Variants in DNAJB14 observed in about 807,000 individuals in gnomAD.
DNAJB14 encodes dnaJ homolog subfamily B member 14.
DNAJB14 carries 22 observed loss-of-function variants against 48.4 expected under a neutral mutation model. The observed-to-expected ratio is 0.45, with a 90% confidence interval of 0.32 to 0.65. The LOEUF (loss-of-function observed/expected upper bound fraction) is 0.65, where lower values mean the gene tolerates loss of function less well. Among genes scored for constraint, DNAJB14 ranks in the 30% least tolerant of loss-of-function variants. The probability of loss-of-function intolerance (pLI) is 0.03; values close to 1 mark genes in which losing one functional copy is unlikely to be tolerated. For synonymous variants in DNAJB14, 142 were observed against 158.7 expected (o/e 0.89, Z 0.79); for missense variants, 319 against 458.8 (o/e 0.70, Z 2.78).
At chr4:99,907,399 G>A (rs771474270) in intron 4 of DNAJB14, among the ~76,000 whole-genome samples, 9 of 152,204 alleles carry the variant, frequency 5.9e-5, no homozygotes, top group Non-Finnish European at 7.4e-5. Context: ...TGCCAGGCAT[G>A]GTGGCTCACC....
chr4:99,897,343 C>CA lies in DNAJB14; in HGVS notation c.*3684dup. The CA allele has an allele frequency of 6.6e-6, 1 of 151,474 alleles. No individual in the cohort carries two copies. Among genetic ancestry groups the CA allele is most frequent in the Non-Finnish European group, 1.5e-5 (1 of 67,742 alleles). The allele number at this position is 151,474 out of a possible 1,614,324, so 9.4% of individuals were successfully genotyped here. A position where few individuals can be genotyped will look rare whatever the true frequency, so the allele number is the denominator to read the frequency against. The stretch of plus-strand genomic sequence containing the variant: ...GAAAAAGTTACACATAGGGAATATA[C>CA]AAAAAATATGGTGCTATAATCCTTA... On this transcript the variant is annotated 3_prime_UTR_variant, in exon 8 of 8. Transcript: ENST00000442697.
At chr4:99,927,247 G>C (rs1276972716) in intron 2 of DNAJB14, 4 of 152,256 alleles carry the variant, frequency 2.6e-5, no homozygotes, top group Non-Finnish European at 4.4e-5. Flanking sequence ...TTATGTGCAT[G>C]GAAGCATAGT....
At chr4:99,944,490 G>A (rs1322378913) in intron 1 of DNAJB14, among the ~76,000 whole-genome samples, 2 of 152,094 alleles carry the variant, frequency 1.3e-5, no homozygotes, top group African/African-American at 2.4e-5. Flanking sequence ...AATGTCCATA[G>A]ACAGATGAAT....
In DNAJB14 at chr4:99,899,738, G is replaced by A. The variant is rs1330306197; in HGVS notation, c.*1290C>T. The A allele has an allele frequency of 6.6e-6, 1 of 151,746 alleles. No homozygotes were observed. Among genetic ancestry groups the A allele is most frequent in the Non-Finnish European group, 1.5e-5 (1 of 67,758 alleles). The allele number at this position is 151,746 out of a possible 1,614,324, so 9.4% of individuals were successfully genotyped here. A position where few individuals can be genotyped will look rare whatever the true frequency, so the allele number is the denominator to read the frequency against. Reference sequence around the variant, plus strand: ...TAAAATATTACAACTGCTAAACACAGAAGACTAGAAATCAAATAGTTTCAT... The same window carrying A: ...TAAAATATTACAACTGCTAAACACAAAAGACTAGAAATCAAATAGTTTCAT... On this transcript the variant is annotated 3_prime_UTR_variant, in exon 8 of 8. Coordinates refer to ENST00000442697, the MANE Select transcript of DNAJB14 (RefSeq NM_001031723.4).
chr4:99,920,756 C>G (rs1008146495), intron 3 of DNAJB14, among the ~76,000 whole-genome samples: 1 of 152,074 alleles, frequency 6.6e-6, no homozygotes, highest in Admixed American at 6.5e-5. Context: ...ATTTTTAAAG[C>G]TTTACAAAAC....
chr4:99,909,488 T>C (rs2089467932), intron 3 of DNAJB14, among the ~76,000 whole-genome samples: 1 of 152,024 alleles, frequency 6.6e-6, no homozygotes, highest in South Asian at 2.1e-4. Context: ...GTAAACTCCA[T>C]AAAGACAGGG....
At chr4:99,902,114 T>G (rs1049245575) in intron 7 of DNAJB14, among the ~76,000 whole-genome samples, 6 of 152,192 alleles carry the variant, frequency 3.9e-5, no homozygotes, top group African/African-American at 1.4e-4. Flanking sequence ...AAGAAGAAAT[T>G]TGAGACTTAG....
At position 99,900,021 on chromosome 4, in the gene DNAJB14, T is replaced by C. The variant is rs190852455; in HGVS notation, c.*1007A>G. 14 of 152,520 alleles carry C rather than the reference T, an allele frequency of 9.2e-5. No homozygotes were observed. Among genetic ancestry groups the C allele is most frequent in the Admixed American group, 5.9e-4 (9 of 15,274 alleles). 9.4% of individuals were successfully genotyped at this position (152,520 alleles called of 1,614,324 possible). On this transcript the variant is annotated 3_prime_UTR_variant, in exon 8 of 8. Transcript: ENST00000442697. Reference sequence around the variant, plus strand: ...ATAAGTATACTGTAATCTACTTATATGTTTAGGAGTTGGCATAGGGTTAAA... The same window carrying C: ...ATAAGTATACTGTAATCTACTTATACGTTTAGGAGTTGGCATAGGGTTAAA...
rs1276487952 is a variant in DNAJB14, at chr4:99,900,885, CAT to C, written c.*141_*142del. 2.4e-6 allele frequency: 2 copies of C among 824,348 alleles called. No individual in the cohort carries two copies. The highest frequency in any genetic ancestry group is 3.6e-6 in the Non-Finnish European group (2 of 561,152). 51.1% of individuals were successfully genotyped at this position (824,348 alleles called of 1,614,324 possible). On this transcript the variant is annotated 3_prime_UTR_variant, in exon 8 of 8. Coordinates refer to ENST00000442697, the MANE Select transcript of DNAJB14 (RefSeq NM_001031723.4). Reference sequence around the variant, plus strand: ...TTACTATTTAAAGGAGCCAGTAGGTCATAAACAGTCCAAGATTTCAGGAACCA... The same window carrying C: ...TTACTATTTAAAGGAGCCAGTAGGTCAAACAGTCCAAGATTTCAGGAACCA...
chr4:99,943,739 G>A (rs1190516570), intron 1 of DNAJB14, among the ~76,000 whole-genome samples: 1 of 152,136 alleles, frequency 6.6e-6, no homozygotes, highest in East Asian at 1.9e-4. Flanking sequence ...CTCACTTAAT[G>A]TTAAAACTGT....
At chr4:99,924,875 T>G in intron 2 of DNAJB14, 1 of 1,276,352 alleles carries the variant, frequency 7.8e-7, no homozygotes, top group Non-Finnish European at 1.1e-6. Flanking sequence ...AATTCAACTG[T>G]AGATTTTGCC....
chr4:99,943,194 G>C (rs1302117786), intron 1 of DNAJB14, among the ~76,000 whole-genome samples: 1 of 152,138 alleles, frequency 6.6e-6, no homozygotes, highest in Admixed American at 6.5e-5. Context: ...GAGGAGTTAA[G>C]TAATTTGTCA....
chr4:99,912,309 C>T (rs1725691542), intron 3 of DNAJB14, among the ~76,000 whole-genome samples: 1 of 152,174 alleles, frequency 6.6e-6, no homozygotes, highest in Non-Finnish European at 1.5e-5. Context: ...ATCAGGAACA[C>T]TGATTACTCC....
chr4:99,915,804 T>C (rs972060085), intron 3 of DNAJB14, among the ~76,000 whole-genome samples: 4 of 152,234 alleles, frequency 2.6e-5, no homozygotes, highest in African/African-American at 4.8e-5. Flanking sequence ...CTAATTGTTC[T>C]ATCAATTATT....
In DNAJB14 at chr4:99,922,866, T is replaced by C. The variant is rs571544218; in HGVS notation, c.451+174A>G. 5.9e-5 allele frequency: 38 copies of C among 639,280 alleles called. 1 individual carries two copies. In the Admixed American group the frequency reaches 9.9e-4, roughly 17 times the overall value. The allele number at this position is 639,280 out of a possible 1,614,324, so 39.6% of individuals were successfully genotyped here. On this transcript the variant is annotated intron_variant, in intron 3 of 7. Coordinates refer to ENST00000442697, the MANE Select transcript of DNAJB14 (RefSeq NM_001031723.4). ...TTGCTTTTGTGAAGCCAAACTGCAT[T>C]TGTTTGCCTTCGGGTATAACCAGTT...
At chr4:99,943,403 A>G (rs1246882956) in intron 1 of DNAJB14, among the ~76,000 whole-genome samples, 1 of 152,180 alleles carries the variant, frequency 6.6e-6, no homozygotes. Context: ...GTATCTTATA[A>G]TATCTTTTAG....
intron 3 of DNAJB14, among the ~76,000 whole-genome samples, chr4:99,914,733 G>A (rs1725790833): frequency 1.3e-5 from 2 of 151,980 alleles, no homozygotes; most frequent in Admixed American, 6.5e-5. Context: ...GGCTATTCAC[G>A]TTATCTATGT....
At chr4:99,928,139 C>T (rs1398298108) in intron 2 of DNAJB14, 1 of 152,352 alleles carries the variant, frequency 6.6e-6, no homozygotes, top group Non-Finnish European at 1.5e-5. Context: ...CTATTTCTTC[C>T]ACTCTTAAAG....
At chr4:99,934,384 C>T (rs1463582330) in intron 1 of DNAJB14, among the ~76,000 whole-genome samples, 3 of 152,078 alleles carry the variant, frequency 2.0e-5, no homozygotes, top group Admixed American at 2.0e-4. Context: ...ACGATAAATA[C>T]ACACCATAAA....
Sources: allele counts gnomAD v4.1 joint callset (sites outside exome capture counted in the v4.1 genomes callset), GRCh38; gene constraint gnomAD v4.1.1; transcripts MANE v1.5; gene names NCBI Gene and HGNC (gene_info 2026-07-23, HGNC 2026-07-21).